DLG2: variants seen among roughly 807,000 people sequenced by gnomAD.
The protein encoded by DLG2 is discs large MAGUK scaffold protein 2, also known as disks large homolog 2.
DLG2 carries 45 observed loss-of-function variants against 132.5 expected under a neutral mutation model. The observed-to-expected ratio is 0.34, with a 90% CI of 0.27 to 0.44. DLG2 has a LOEUF of 0.44. Ranked by LOEUF, DLG2 falls within the 20% of genes least tolerant of loss-of-function variation. The probability of loss-of-function intolerance (pLI) is 1.00; values close to 1 mark genes in which losing one functional copy is unlikely to be tolerated. For missense variants in DLG2, 1,045 were observed against 1,196.9 expected, an observed-to-expected ratio of 0.87 and a Z score of 1.87; for synonymous variants, 424 against 419.6, an observed-to-expected ratio of 1.01 and a Z score of -0.13.
intron 6 of DLG2, among the ~76,000 whole-genome samples, chr11:84,830,958 A>AC (rs147369970): frequency 0.34 from 27,252 of 79,850 alleles, 3,789 homozygotes; most frequent in South Asian, 0.38. Flanking sequence ...TCCTCCCCCC[A>AC]CCCCCCCCAG....
At chr11:84,928,982 G>GTGTGTGTGTA (rs1400906684) in intron 6 of DLG2, among the ~76,000 whole-genome samples, 48 of 49,120 alleles carry the variant, frequency 9.8e-4, no homozygotes, top group South Asian at 4.3e-3. Flanking sequence ...GTGTGTGTGT[G>GTGTGTGTGTA]TATATATATA....
chr11:83,471,509 A>G (rs1367057215), intron 24 of DLG2, 117 bp downstream of exon 24: 2 of 700,040 alleles, frequency 2.9e-6, no homozygotes, highest in East Asian at 2.7e-5. Context: ...CTAATCGGAA[A>G]TGGTTGGTAT....
chr11:84,962,268 T>C lies in DLG2; in HGVS notation c.357+149393A>G, dbSNP rs141549676. Among the ~76,000 whole-genome samples, 158 of 152,344 alleles carry C rather than the reference T, an allele frequency of 1.0e-3. 1 individual carries two copies. The highest frequency in any genetic ancestry group is 1.5e-3 in the Non-Finnish European group (104 of 68,040). On this transcript the variant is annotated intron_variant, in intron 6 of 27. Coordinates refer to ENST00000376104, the MANE Select transcript of DLG2 (RefSeq NM_001142699.3). The stretch of plus-strand genomic sequence containing the variant: ...CTCCAGATTAAACACGTAGTAGAGA[T>C]AGAGCCAGACTTGAACCCAAGCTGC...
At chr11:84,673,098 C>T (rs1224570319) in intron 6 of DLG2, among the ~76,000 whole-genome samples, 3 of 152,020 alleles carry the variant, frequency 2.0e-5, no homozygotes, top group African/African-American at 7.2e-5. Flanking sequence ...CCCACCAGGC[C>T]CCACCTCCAA....
intron 6 of DLG2, among the ~76,000 whole-genome samples, chr11:84,609,776 CTT>C (rs2099592186): frequency 6.6e-6 from 1 of 152,160 alleles, no homozygotes; most frequent in African/African-American, 2.4e-5. Context: ...ACTCCAGCAT[CTT>C]TTGCCAACAT....
At chr11:83,905,558 C>T (rs990770585) in intron 15 of DLG2, among the ~76,000 whole-genome samples, 3 of 152,154 alleles carry the variant, frequency 2.0e-5, no homozygotes, top group African/African-American at 7.2e-5. Flanking sequence ...ACTTTGTTCT[C>T]CAAAGCTTTT....
intron 5 of DLG2, among the ~76,000 whole-genome samples, chr11:85,142,574 C>T (rs1382428117): frequency 1.3e-5 from 2 of 151,716 alleles, no homozygotes; most frequent in African/African-American, 2.4e-5. Context: ...CATTTAATTA[C>T]TCTAGCTAGG....
rs538784247 is a variant in DLG2, at chr11:84,496,987, G to A, written c.519+37583C>T. On this transcript the variant is annotated intron_variant, in intron 7 of 27. Transcript: ENST00000376104. ...AGAATAATAGGTTAAGAGGTAGCCA[G>A]GAATTTAGGTTTGCCTTTTCCCTTC... Among the ~76,000 whole-genome samples the A allele has an allele frequency of 3.9e-5, 6 of 152,264 alleles. No individual in the cohort carries two copies. In the South Asian group the frequency reaches 1.2e-3, roughly 32 times the overall value.
intron 2 of DLG2, among the ~76,000 whole-genome samples, chr11:85,614,583 T>C (rs1384202743): frequency 6.6e-6 from 1 of 152,160 alleles, no homozygotes; most frequent in Non-Finnish European, 1.5e-5. Flanking sequence ...GAGGTTGCAG[T>C]AAGCCAAAAT....
chr11:84,687,237 A>C (rs2099738965), intron 6 of DLG2: 1 of 152,172 alleles, frequency 6.6e-6, no homozygotes, highest in Non-Finnish European at 1.5e-5. Flanking sequence ...ATCTGCTGGA[A>C]TAAGTAACAC....
chr11:85,343,462 C>T (rs1218821707), intron 3 of DLG2, among the ~76,000 whole-genome samples: 2 of 152,104 alleles, frequency 1.3e-5, no homozygotes, highest in African/African-American at 2.4e-5. Flanking sequence ...AATACCATGC[C>T]TGACTCATGG....
chr11:85,006,258 A>G (rs662794), intron 6 of DLG2, among the ~76,000 whole-genome samples: 107,452 of 152,064 alleles, frequency 0.71, 38,963 homozygotes, highest in East Asian at 0.92. Flanking sequence ...AGTTAGAGAG[A>G]AGTCCTTCTT....
At chr11:84,287,741 G>GAGAC (rs2097924667) in intron 7 of DLG2, among the ~76,000 whole-genome samples, 1 of 139,190 alleles carries the variant, frequency 7.2e-6, no homozygotes, top group Non-Finnish European at 1.5e-5. Flanking sequence ...CTCTCTCTTA[G>GAGAC]ACACACACAC....
Position 85,479,936 on chromosome 11 carries a change from C to T in DLG2, c.40+118721G>A, listed in dbSNP as rs562632094. On this transcript the variant is annotated intron_variant, in intron 3 of 27. Transcript: ENST00000376104. Reference sequence around the variant, plus strand: ...ATACCAATCATACTGGATTGTGGCCCACCCTAAAGACCTCATTTTAATTTA... The same window carrying T: ...ATACCAATCATACTGGATTGTGGCCTACCCTAAAGACCTCATTTTAATTTA... Among the ~76,000 whole-genome samples, 15 of 152,274 alleles carry T rather than the reference C, an allele frequency of 9.9e-5. No individual in the cohort carries two copies. The South Asian group carries it at 2.9e-3, about 29-fold the overall frequency.
intron 15 of DLG2, among the ~76,000 whole-genome samples, chr11:83,899,887 C>G (rs2072931507): frequency 6.6e-6 from 1 of 152,082 alleles, no homozygotes; most frequent in Admixed American, 6.5e-5. Context: ...TCGGAGGGCT[C>G]AGAAGAAGAT....
chr11:85,583,118 GTGTGTGTGTGTGTATATATATA>G (rs1170976081), intron 3 of DLG2, among the ~76,000 whole-genome samples: 77 of 58,498 alleles, frequency 1.3e-3, no homozygotes, highest in Middle Eastern at 7.1e-3. Context: ...GTGTGTGTGT[GTGTGTGTGTGTGTATATATATA>G]TATATATATA....
chr11:85,382,263 T>C (rs2085953937), intron 3 of DLG2, among the ~76,000 whole-genome samples: 1 of 152,120 alleles, frequency 6.6e-6, no homozygotes, highest in South Asian at 2.1e-4. Flanking sequence ...GACAATTCAG[T>C]GTGAAAGAAT....
rs186716064 is a variant in DLG2 at position 85,382,308 on chromosome 11, A to C, written c.41-96943T>G. Reference sequence around the variant, plus strand: ...AACAAATGTTTTGGGGACAATTGAAAATTCATATGCAAAGGAATCAATTTG... The same window carrying C: ...AACAAATGTTTTGGGGACAATTGAACATTCATATGCAAAGGAATCAATTTG... On this transcript the variant is annotated intron_variant, in intron 3 of 27. Coordinates refer to ENST00000376104, the MANE Select transcript of DLG2 (RefSeq NM_001142699.3). Among the ~76,000 whole-genome samples the C allele has an allele frequency of 1.8e-3, 267 of 152,256 alleles. 1 individual carries two copies. The highest frequency in any genetic ancestry group is 6.2e-3 in the African/African-American group (259 of 41,576).
intron 8 of DLG2, among the ~76,000 whole-genome samples, chr11:84,214,999 T>A (rs1214894457): frequency 6.6e-6 from 1 of 152,238 alleles, no homozygotes; most frequent in Non-Finnish European, 1.5e-5. Context: ...CTATTAGTCA[T>A]GTCATGGTGA....
Sources: gnomAD v4.1 joint callset for allele counts (sites outside exome capture counted in the v4.1 genomes callset) on GRCh38, gnomAD v4.1.1 for gene constraint, MANE v1.5 for transcripts, NCBI Gene and HGNC (gene_info 2026-07-23, HGNC 2026-07-21) for gene names.